Variants in FAT3 observed in about 807,000 individuals in gnomAD.
FAT3 encodes FAT atypical cadherin 3, also known as protocadherin Fat 3.
Under a neutral mutation model 310.2 loss-of-function variants are expected in FAT3, and 95 were observed. The ratio of observed to expected loss-of-function variants is 0.31; its 90% confidence interval spans 0.26 to 0.36. The LOEUF (loss-of-function observed/expected upper bound fraction) is 0.36, where lower values mean the gene tolerates loss of function less well. Ranked by LOEUF, FAT3 falls within the 10% of genes least tolerant of loss-of-function variation. FAT3 has a pLI of 1.00. For synonymous variants in FAT3, 2,314 were observed against 2,192.9 expected (o/e 1.06, Z -1.54); for missense variants, 5,408 against 5,715.6 (o/e 0.95, Z 1.74).
intron 2 of FAT3, among the ~76,000 whole-genome samples, chr11:92,357,360 G>T (rs12574637): frequency 0.11 from 16,117 of 152,154 alleles, 910 homozygotes; most frequent in South Asian, 0.16. Context: ...AGTATACCTT[G>T]CTCTCACACA....
chr11:92,534,875 A>G (rs1954201601), intron 3 of FAT3, among the ~76,000 whole-genome samples: 1 of 152,190 alleles, frequency 6.6e-6, no homozygotes, highest in Non-Finnish European at 1.5e-5. Flanking sequence ...CAAAGCCAAG[A>G]GAAAACCGTG....
intron 4 of FAT3, among the ~76,000 whole-genome samples, chr11:92,750,342 G>T (rs1475749093): frequency 6.6e-6 from 1 of 152,126 alleles, no homozygotes; most frequent in Non-Finnish European, 1.5e-5. Flanking sequence ...TCGGGGGATG[G>T]TCAGGATAGG....
chr11:92,432,312 C>T (rs912192858), intron 2 of FAT3, among the ~76,000 whole-genome samples: 2 of 152,084 alleles, frequency 1.3e-5, no homozygotes, highest in Admixed American at 6.6e-5. Flanking sequence ...TATTGGTGTA[C>T]AAGAATGCTT....
intron 1 of FAT3, among the ~76,000 whole-genome samples, chr11:92,247,838 A>C (rs879916535): frequency 5.3e-5 from 8 of 151,448 alleles, no homozygotes; most frequent in Non-Finnish European, 1.0e-4. Context: ...GCATTGTGGC[A>C]TGAGCCTGTT....
intron 3 of FAT3, among the ~76,000 whole-genome samples, chr11:92,596,225 G>C (rs1250799151): frequency 6.6e-6 from 1 of 152,154 alleles, no homozygotes; most frequent in Non-Finnish European, 1.5e-5. Context: ...TGCGTTATCT[G>C]TAGACTCTGA....
At chr11:92,416,423 G>A (rs1950415945) in intron 2 of FAT3, among the ~76,000 whole-genome samples, 1 of 151,148 alleles carries the variant, frequency 6.6e-6, no homozygotes, top group African/African-American at 2.4e-5. Flanking sequence ...AACCTTCCAC[G>A]TTAACATCAA....
At chr11:92,279,842 T>C (rs1483157687) in intron 1 of FAT3, among the ~76,000 whole-genome samples, 1 of 152,158 alleles carries the variant, frequency 6.6e-6, no homozygotes, top group Non-Finnish European at 1.5e-5. Flanking sequence ...GAGGTACTTT[T>C]TAAAATCCCC....
chr11:92,685,023 T>G (rs1175786559), intron 3 of FAT3, among the ~76,000 whole-genome samples: 1 of 152,324 alleles, frequency 6.6e-6, no homozygotes, highest in African/African-American at 2.4e-5. Flanking sequence ...CATCTTGATA[T>G]GTATCGTGGG....
chr11:92,887,553 T>C (rs893062264), intron 25 of FAT3, among the ~76,000 whole-genome samples: 5 of 152,362 alleles, frequency 3.3e-5, no homozygotes, highest in Non-Finnish European at 5.9e-5. Context: ...AGTGGAATCT[T>C]CATTCAATTG....
Position 92,519,702 on chromosome 11 carries a change from A to G in FAT3, c.3293-4932A>G, listed in dbSNP as rs144846318. ...ACCCAAATTTAAAAATAGGCAAAAC[A>G]TTTGAACACTTAACCTACGATAACT... is the stretch of plus-strand genomic sequence containing the variant. On this transcript the variant is annotated intron_variant, in intron 2 of 27. Coordinates refer to ENST00000525166, the MANE Select transcript of FAT3 (RefSeq NM_001367949.2). 2.9e-3 allele frequency among the ~76,000 whole-genome samples: 441 copies of G among 152,260 alleles called. 4 individuals carry two copies. Among genetic ancestry groups the G allele is most frequent in the African/African-American group, 0.01 (427 of 41,570 alleles).
At chr11:92,810,195 T>A (rs985551873) in intron 13 of FAT3, 119 bp downstream of exon 13, 1 of 864,888 alleles carries the variant, frequency 1.2e-6, no homozygotes, top group East Asian at 2.7e-5. Context: ...CACGAGAACA[T>A]GTACATTAAA....
At chr11:92,317,767 G>C (rs569154801) in intron 1 of FAT3, among the ~76,000 whole-genome samples, 10 of 152,122 alleles carry the variant, frequency 6.6e-5, no homozygotes, top group African/African-American at 2.4e-4. Context: ...GATCAAAGTG[G>C]GGGCACTGGT....
intron 2 of FAT3, among the ~76,000 whole-genome samples, chr11:92,508,616 T>C (rs1953191611): frequency 1.3e-5 from 2 of 152,102 alleles, no homozygotes; most frequent in African/African-American, 4.8e-5. Flanking sequence ...ACGGAGGAAA[T>C]AGTTGGGCTT....
intron 3 of FAT3, among the ~76,000 whole-genome samples, chr11:92,635,651 G>C (rs961249342): frequency 3.9e-5 from 6 of 152,154 alleles, no homozygotes; most frequent in Non-Finnish European, 8.8e-5. Context: ...GCTGTTTTCT[G>C]TCTAATTTTT....
intron 2 of FAT3, among the ~76,000 whole-genome samples, chr11:92,496,394 C>T (rs1952766222): frequency 6.6e-6 from 1 of 151,994 alleles, no homozygotes; most frequent in Non-Finnish European, 1.5e-5. Flanking sequence ...TGGGACCACA[C>T]TTTTTATTGC....
chr11:92,809,269 TC>T (rs964267928), intron 12 of FAT3, among the ~76,000 whole-genome samples: 8 of 152,146 alleles, frequency 5.3e-5, no homozygotes, highest in Admixed American at 5.2e-4. Flanking sequence ...CCTTCCACAA[TC>T]CAGCAAGTTA....
intron 1 of FAT3, among the ~76,000 whole-genome samples, chr11:92,276,791 G>A (rs766341731): frequency 1.3e-4 from 20 of 152,286 alleles, no homozygotes; most frequent in Middle Eastern, 3.4e-3. Context: ...GGCATATGCC[G>A]TTGAGTTTGG....
chr11:92,469,221 G>A (rs2135142677), intron 2 of FAT3, among the ~76,000 whole-genome samples: 1 of 152,220 alleles, frequency 6.6e-6, no homozygotes, highest in Non-Finnish European at 1.5e-5. Context: ...AATTAGCCCT[G>A]TTTAATGTTT....
At chr11:92,300,328 G>A (rs1006764653) in intron 1 of FAT3, among the ~76,000 whole-genome samples, 1 of 152,086 alleles carries the variant, frequency 6.6e-6, no homozygotes, top group African/African-American at 2.4e-5. Context: ...TTCCATTTAT[G>A]TTCCTGTGAG....
Sources: gnomAD v4.1 joint callset for allele counts (sites outside exome capture counted in the v4.1 genomes callset) on GRCh38, gnomAD v4.1.1 for gene constraint, MANE v1.5 for transcripts, NCBI Gene and HGNC (gene_info 2026-07-23, HGNC 2026-07-21) for gene names.